Variants in VPS13B observed in about 807,000 individuals in gnomAD.
The protein encoded by VPS13B is intermembrane lipid transfer protein VPS13B.
A neutral mutation model predicts 426.4 loss-of-function variants in VPS13B; 285 were observed. The ratio of observed to expected loss-of-function variants is 0.67; its 90% CI spans 0.61 to 0.74. The LOEUF (loss-of-function observed/expected upper bound fraction) is 0.74. Among genes scored for constraint, VPS13B ranks in the 30% least tolerant of loss-of-function variants. The pLI, the probability that VPS13B is intolerant of heterozygous loss-of-function variation, is 0.00. For synonymous variants in VPS13B, 1,676 were observed against 1,676.4 expected (o/e 1.00, Z 0.01); for missense variants, 4,537 against 4,782.6 (o/e 0.95, Z 1.51).
intron 23 of VPS13B, among the ~76,000 whole-genome samples, chr8:99,455,988 T>G (rs1818435778): frequency 6.6e-6 from 1 of 152,180 alleles, no homozygotes; most frequent in Non-Finnish European, 1.5e-5. Flanking sequence ...GTGGAATTTT[T>G]GGGTTGAATG....
chr8:99,833,160 C>T (rs988045339), intron 52 of VPS13B, among the ~76,000 whole-genome samples: 1 of 152,188 alleles, frequency 6.6e-6, no homozygotes, highest in Admixed American at 6.5e-5. Flanking sequence ...TCACAGAAGA[C>T]TCTGTTCTGT....
At chr8:99,793,658 G>A (rs1254180438) in intron 43 of VPS13B, among the ~76,000 whole-genome samples, 1 of 152,148 alleles carries the variant, frequency 6.6e-6, no homozygotes, top group African/African-American at 2.4e-5. Context: ...GGCCAAGACA[G>A]GGAGCTGAGT....
chr8:99,312,414 T>A (rs1164108722), intron 19 of VPS13B, among the ~76,000 whole-genome samples: 1 of 152,230 alleles, frequency 6.6e-6, no homozygotes, highest in African/African-American at 2.4e-5. Flanking sequence ...GTTTTATTTC[T>A]CCTTCACTTA....
intron 22 of VPS13B, among the ~76,000 whole-genome samples, chr8:99,433,653 GT>G (rs1817227892): frequency 6.6e-6 from 1 of 151,940 alleles, no homozygotes; most frequent in African/African-American, 2.4e-5. Flanking sequence ...CAGAATCTTG[GT>G]TTTTCAGAAA....
At chr8:99,103,308 T>C (rs1036128111) in intron 5 of VPS13B, among the ~76,000 whole-genome samples, 188 bp downstream of exon 5, 1 of 152,056 alleles carries the variant, frequency 6.6e-6, no homozygotes, top group Non-Finnish European at 1.5e-5. Flanking sequence ...ACACTCCAAA[T>C]TCAGAAATCT....
chr8:99,766,851 C>A lies in VPS13B; in HGVS notation c.7128C>A (p.Ser2376Arg), dbSNP rs1811252908. Reference protein sequence around the residue: ...VAFREFNLSESKVCELQLPDI... With the variant: ...VAFREFNLSERKVCELQLPDI... ...TTAGAGAATTTAATCTGTCTGAAAG[C>A]AAAGTTTGTGAACTGCAGTTGCCGG... The change falls in exon 40 of 62, where the codon AGC (serine) becomes AGA (arginine). Residue 2376 changes from serine to arginine, a missense_variant. Coordinates refer to ENST00000357162, the MANE Select transcript of VPS13B (RefSeq NM_152564.5). 2 of 1,613,864 alleles carry A rather than the reference C, an allele frequency of 1.2e-6. No homozygotes were observed. Among genetic ancestry groups the A allele is most frequent in the Admixed American group, 1.7e-5 (1 of 59,998 alleles).
chr8:99,151,106 T>C (rs1435032843), intron 14 of VPS13B, among the ~76,000 whole-genome samples: 2 of 145,744 alleles, frequency 1.4e-5, no homozygotes, highest in African/African-American at 4.9e-5. Flanking sequence ...TCTTATTGTT[T>C]TGATTTTTTA....
chr8:99,067,406 C>T (rs1844588009), intron 3 of VPS13B, among the ~76,000 whole-genome samples: 1 of 152,172 alleles, frequency 6.6e-6, no homozygotes, highest in African/African-American at 2.4e-5. Flanking sequence ...GAAAACCAAA[C>T]ACCGCATGAT....
At chr8:99,151,564 A>T (rs1341555495) in intron 14 of VPS13B, among the ~76,000 whole-genome samples, 6 of 150,938 alleles carry the variant, frequency 4.0e-5, no homozygotes, top group Admixed American at 3.3e-4. Context: ...ATGGAGTTTC[A>T]CTTTTGTTGC....
At chr8:99,610,337 A>G (rs1428942011) in intron 33 of VPS13B, among the ~76,000 whole-genome samples, 1 of 152,176 alleles carries the variant, frequency 6.6e-6, no homozygotes, top group East Asian at 1.9e-4. Flanking sequence ...CTTGGAACCA[A>G]CCCAAATGCC....
At chr8:99,770,084 A>G (rs1424514234) in intron 40 of VPS13B, among the ~76,000 whole-genome samples, 1 of 152,084 alleles carries the variant, frequency 6.6e-6, no homozygotes, top group African/African-American at 2.4e-5. Flanking sequence ...GCTTGAGCCC[A>G]GGAGGCAGAG....
At position 99,442,645 on chromosome 8, in the gene VPS13B, A is replaced by T; in HGVS notation, c.3445+10A>T. On this transcript the variant is annotated intron_variant, in intron 23 of 61. Coordinates refer to ENST00000357162, the MANE Select transcript of VPS13B (RefSeq NM_152564.5). ...CCCATCCTTGAAGAAGGTATATGTT[A>T]ACATTTTTTTCCTATGGTTAATGTT... 1 of 1,612,108 alleles carries T rather than the reference A, an allele frequency of 6.2e-7. No homozygotes were observed. The highest frequency in any genetic ancestry group is 1.3e-5 in the African/African-American group (1 of 74,990).
chr8:99,109,642 G>A (rs1002234953), intron 5 of VPS13B, among the ~76,000 whole-genome samples: 3 of 152,164 alleles, frequency 2.0e-5, no homozygotes, highest in Non-Finnish European at 1.5e-5. Context: ...GCCTCCCAAA[G>A]TGCTGGGATT....
intron 57 of VPS13B, among the ~76,000 whole-genome samples, chr8:99,860,921 T>A (rs1005574733): frequency 2.0e-5 from 3 of 152,232 alleles, no homozygotes; most frequent in Non-Finnish European, 4.4e-5. Context: ...AAATTGCACA[T>A]ATTCTCCATG....
chr8:99,447,483 GC>G, intron 23 of VPS13B, among the ~76,000 whole-genome samples: 1 of 152,260 alleles, frequency 6.6e-6, no homozygotes, highest in South Asian at 2.1e-4. Context: ...CTGTGAGTTA[GC>G]TTCAGGCTTT....
chr8:99,244,918 C>T (rs1205416852), intron 17 of VPS13B, among the ~76,000 whole-genome samples: 1 of 152,118 alleles, frequency 6.6e-6, no homozygotes, highest in Non-Finnish European at 1.5e-5. Flanking sequence ...TGCATGGATG[C>T]ATGTATGTGT....
chr8:99,767,493 C>CAAAAAAA lies in VPS13B; in HGVS notation c.7247+542_7247+548dup, dbSNP rs869220303. Among the ~76,000 whole-genome samples the CAAAAAAA allele has an allele frequency of 2.1e-4, 7 of 33,330 alleles. 2 individuals are homozygous for CAAAAAAA. The highest frequency in any genetic ancestry group is 1.1e-3 in the East Asian group (1 of 938). 21.9% of individuals were successfully genotyped at this position (33,330 alleles called of 152,430 possible). ...CCTAGGTGACAAAGTGCAACTCTCT[C>CAAAAAAA]AAAAAAAAAAAAAAAAAAAAAAAAA... On this transcript the variant is annotated intron_variant, in intron 40 of 61. Transcript: ENST00000357162.
In VPS13B at chr8:99,868,285, C is replaced by A. The variant is rs1443951443; in HGVS notation, c.11216-4C>A. The A allele has an allele frequency of 6.2e-7, 1 of 1,613,944 alleles. No homozygotes were observed. The highest frequency in any genetic ancestry group is 8.5e-7 in the Non-Finnish European group (1 of 1,180,018). ...GTCCTTACTGAGGGCTTTTGTTATT[C>A]CAGGTGCAATTGCTGGTATAGTTGA... is the stretch of plus-strand genomic sequence containing the variant. On this transcript the variant is annotated splice_polypyrimidine_tract_variant and splice_region_variant and intron_variant, in intron 58 of 61. Transcript: ENST00000357162.
intron 25 of VPS13B, among the ~76,000 whole-genome samples, chr8:99,487,610 C>T (rs1327126193): frequency 3.3e-5 from 5 of 152,178 alleles, no homozygotes. Flanking sequence ...ATCTTCTCCT[C>T]TCCCTCCATC....
Sources: allele counts gnomAD v4.1 joint callset (sites outside exome capture counted in the v4.1 genomes callset), GRCh38; gene constraint gnomAD v4.1.1; transcripts MANE v1.5; gene names NCBI Gene and HGNC (gene_info 2026-07-23, HGNC 2026-07-21).